The following RXFP1 variants were observed in gnomAD, a reference collection of about 807,000 sequenced individuals.
The protein encoded by RXFP1 is relaxin receptor 1.
RXFP1 carries 73 observed loss-of-function variants against 89.8 expected under a neutral mutation model. The observed-to-expected ratio is 0.81, with a 90% confidence interval of 0.67 to 0.99. The LOEUF (loss-of-function observed/expected upper bound fraction) is 0.99, where lower values mean the gene tolerates loss of function less well. Ranked by LOEUF, RXFP1 falls within the 50% of genes least tolerant of loss-of-function variation. The pLI, the probability that RXFP1 is intolerant of heterozygous loss-of-function variation, is 0.00. For missense variants in RXFP1, 793 were observed against 895.5 expected, an observed-to-expected ratio of 0.89 and a Z score of 1.46; for synonymous variants, 277 against 305.5, an observed-to-expected ratio of 0.91 and a Z score of 0.97.
rs1741293527 is a variant in RXFP1, at chr4:158,522,041, A to G, written c.49+16A>G. Reference sequence around the variant, plus strand: ...GGAAAATATTGTAAGTATGCTCAGTATCTAATTTTGTATACCTTAGTATTT... The same window carrying G: ...GGAAAATATTGTAAGTATGCTCAGTGTCTAATTTTGTATACCTTAGTATTT... On this transcript the variant is annotated intron_variant, in intron 1 of 17. Coordinates refer to ENST00000307765, the MANE Select transcript of RXFP1 (RefSeq NM_021634.4). 6.7e-7 allele frequency: 1 copy of G among 1,494,788 alleles called. No individual in the cohort carries two copies. Among genetic ancestry groups the G allele is most frequent in the East Asian group, 2.3e-5 (1 of 44,168 alleles). The allele number at this position is 1,494,788 out of a possible 1,614,324, so 92.6% of individuals were successfully genotyped here. A position where few individuals can be genotyped will look rare whatever the true frequency, so the allele number is the denominator to read the frequency against.
At chr4:158,595,098 G>C (rs1242733228) in intron 3 of RXFP1, among the ~76,000 whole-genome samples, 1 of 152,146 alleles carries the variant, frequency 6.6e-6, no homozygotes, top group Non-Finnish European at 1.5e-5. Flanking sequence ...TTTACACTAT[G>C]AGTTCTAGAA....
chr4:158,631,295 C>T (rs1767978061), intron 11 of RXFP1, among the ~76,000 whole-genome samples: 1 of 152,176 alleles, frequency 6.6e-6, no homozygotes, highest in Non-Finnish European at 1.5e-5. Flanking sequence ...TACTTGGCTT[C>T]CTATACAAGG....
chr4:158,522,056 C>T (rs1222582001), intron 1 of RXFP1, 31 bp downstream of exon 1: 2 of 1,338,656 alleles, frequency 1.5e-6, no homozygotes, highest in South Asian at 1.2e-5. Context: ...ATTTTGTATA[C>T]CTTAGTATTT....
intron 1 of RXFP1, among the ~76,000 whole-genome samples, chr4:158,523,024 G>T (rs142908317): frequency 7.2e-5 from 11 of 151,814 alleles, no homozygotes; most frequent in Non-Finnish European, 1.6e-4. Context: ...CTGCTCCATC[G>T]CATCTAAAGT....
chr4:158,544,323 T>C (rs1747632725), intron 1 of RXFP1: 3 of 985,132 alleles, frequency 3.0e-6, no homozygotes, highest in Non-Finnish European at 3.6e-6. Flanking sequence ...CATAAAACAC[T>C]CTGATGAGAC....
chr4:158,557,247 G>A (rs2168294), intron 1 of RXFP1, among the ~76,000 whole-genome samples: 6,550 of 152,164 alleles, frequency 0.043, 448 homozygotes, highest in African/African-American at 0.15. Context: ...TAATTTTTCA[G>A]TATTTCTGCT....
rs1043730255 is a variant in RXFP1 at position 158,553,360 on chromosome 4, G to C, written c.50-19338G>C. 2.6e-5 allele frequency among the ~76,000 whole-genome samples: 4 copies of C among 152,138 alleles called. No homozygotes were observed. In the East Asian group the frequency reaches 7.7e-4, roughly 29 times the overall value. Reference sequence around the variant, plus strand: ...AGGGATACACAACAGCATGTTTTCAGGGGCTAAGCCAGAAAAAGAGGTAAA... The same window carrying C: ...AGGGATACACAACAGCATGTTTTCACGGGCTAAGCCAGAAAAAGAGGTAAA... On this transcript the variant is annotated intron_variant, in intron 1 of 17. Transcript: ENST00000307765.
rs61486750 is a variant in RXFP1 at position 158,586,891 on chromosome 4, T to TA, written c.188-6498dup. Among the ~76,000 whole-genome samples the TA allele has an allele frequency of 7.8e-3, 1,112 of 142,270 alleles. 9 individuals carry two copies. Among genetic ancestry groups the TA allele is most frequent in the African/African-American group, 0.021 (834 of 39,018 alleles). The allele number at this position is 142,270 out of a possible 152,430, so 93.3% of individuals were successfully genotyped here. On this transcript the variant is annotated intron_variant, in intron 2 of 17. Coordinates refer to ENST00000307765, the MANE Select transcript of RXFP1 (RefSeq NM_021634.4). Reference sequence around the variant, plus strand: ...TAAGCATGGCATTATCTATTAATGGTAAAAAAAAAAAAGAAAATCAGCAAA... The same window carrying TA: ...TAAGCATGGCATTATCTATTAATGGTAAAAAAAAAAAAAGAAAATCAGCAAA...
chr4:158,578,410 G>A (rs770791549), intron 2 of RXFP1, among the ~76,000 whole-genome samples: 11 of 152,200 alleles, frequency 7.2e-5, no homozygotes, highest in Non-Finnish European at 1.5e-4. Flanking sequence ...TGATACCTGA[G>A]AGAATACATC....
chr4:158,610,741 T>C, intron 6 of RXFP1: 1 of 1,279,058 alleles, frequency 7.8e-7, no homozygotes, highest in South Asian at 1.2e-5. Context: ...GGTTTTTGTA[T>C]AAGAGAACAC....
At chr4:158,574,612 C>T (rs553774274) in intron 2 of RXFP1, among the ~76,000 whole-genome samples, 1 of 152,364 alleles carries the variant, frequency 6.6e-6, no homozygotes, top group South Asian at 2.1e-4. Context: ...AGAAATTCCT[C>T]ATTTTCACTT....
At chr4:158,606,532 C>T in intron 5 of RXFP1, among the ~76,000 whole-genome samples, 1 of 152,104 alleles carries the variant, frequency 6.6e-6, no homozygotes, top group African/African-American at 2.4e-5. Flanking sequence ...TAAATGAGAA[C>T]CATTCATTAC....
intron 1 of RXFP1, among the ~76,000 whole-genome samples, chr4:158,554,906 A>T (rs1298075481): frequency 6.6e-6 from 1 of 152,184 alleles, no homozygotes; most frequent in Non-Finnish European, 1.5e-5. Flanking sequence ...TAACCATGTC[A>T]CTAGCTATAT....
Position 158,593,509 on chromosome 4 carries a change from C to CAGAG in RXFP1, c.286+11_286+14dup, listed in dbSNP as rs1759943309. On this transcript the variant is annotated intron_variant, in intron 3 of 17. Coordinates refer to ENST00000307765, the MANE Select transcript of RXFP1 (RefSeq NM_021634.4). ...GAAACACCTGAATGTTGTAAGTAAT[C>CAGAG]AGAGCAGTTATTTTCTTTTCCATGA... The CAGAG allele has an allele frequency of 2.0e-6, 3 of 1,507,690 alleles. No individual in the cohort carries two copies. The East Asian group carries it at 6.8e-5, about 34-fold the overall frequency. The allele number at this position is 1,507,690 out of a possible 1,614,324, so 93.4% of individuals were successfully genotyped here.
chr4:158,647,217 A>G lies in RXFP1; in HGVS notation c.1756+16A>G, dbSNP rs776755239. Reference sequence around the variant, plus strand: ...ATTTTTCTTGGTAAGAAACTAAGAAACTAATGTTCACAAATTTTTATTTCA... The same window carrying G: ...ATTTTTCTTGGTAAGAAACTAAGAAGCTAATGTTCACAAATTTTTATTTCA... On this transcript the variant is annotated intron_variant, in intron 16 of 17. Coordinates refer to ENST00000307765, the MANE Select transcript of RXFP1 (RefSeq NM_021634.4). The G allele has an allele frequency of 9.8e-6, 15 of 1,535,260 alleles. No homozygotes were observed. The African/African-American group carries it at 2.1e-4, about 21-fold the overall frequency.
Position 158,538,002 on chromosome 4 carries a change from G to A in RXFP1, c.49+15977G>A, listed in dbSNP as rs571161954. Among the ~76,000 whole-genome samples the A allele has an allele frequency of 3.3e-5, 5 of 152,276 alleles. No homozygotes were observed. In the East Asian group the frequency reaches 9.6e-4, roughly 29 times the overall value. On this transcript the variant is annotated intron_variant, in intron 1 of 17. Transcript: ENST00000307765. ...AAAGAACAATGCAGGCACTCAGATA[G>A]GTGGAACAGCCAACTCAAGACTCTA...
chr4:158,646,768 T>C (rs1179876184), intron 15 of RXFP1, 23 bp from the exon 16 acceptor site: 2 of 1,537,094 alleles, frequency 1.3e-6, no homozygotes, highest in East Asian at 2.3e-5. Context: ...TTCTCTAAAT[T>C]TGTGAAACTA....
intron 2 of RXFP1, among the ~76,000 whole-genome samples, chr4:158,576,074 A>G (rs868202266): frequency 1.3e-5 from 2 of 152,210 alleles, no homozygotes; most frequent in Non-Finnish European, 2.9e-5. Flanking sequence ...TCTCAAGTCC[A>G]GTTTTGGATA....
chr4:158,543,775 T>C (rs1747455248), intron 1 of RXFP1: 2 of 985,118 alleles, frequency 2.0e-6, no homozygotes, highest in South Asian at 9.4e-5. Flanking sequence ...ATCTCCCACC[T>C]AGAATCAAAT....
Sources: gnomAD v4.1 joint callset for allele counts (sites outside exome capture counted in the v4.1 genomes callset) on GRCh38, gnomAD v4.1.1 for gene constraint, MANE v1.5 for transcripts, NCBI Gene and HGNC (gene_info 2026-07-23, HGNC 2026-07-21) for gene names.